The following SENP6 variants were observed in gnomAD, a reference collection of about 807,000 sequenced individuals.
The protein encoded by SENP6 is sentrin-specific protease 6.
SENP6 carries 41 observed loss-of-function variants against 134.5 expected under a neutral mutation model. The observed-to-expected ratio is 0.30, with a 90% CI of 0.24 to 0.40. The LOEUF (loss-of-function observed/expected upper bound fraction) is 0.40, where lower values mean the gene tolerates loss of function less well. SENP6 is among the 10% of genes least tolerant of loss of function. The pLI, the probability that SENP6 is intolerant of heterozygous loss-of-function variation, is 1.00. For missense variants in SENP6, 1,248 were observed against 1,312.5 expected (o/e 0.95, Z 0.76); for synonymous variants, 395 against 429.8 (o/e 0.92, Z 1.00).
chr6:75,636,474 A>G (rs1769522712), intron 5 of SENP6, among the ~76,000 whole-genome samples: 1 of 152,186 alleles, frequency 6.6e-6, no homozygotes, highest in Non-Finnish European at 1.5e-5. Context: ...TTTATGCTAC[A>G]TACCAGGCAT....
At position 75,695,923 on chromosome 6, in the gene SENP6, C is replaced by T. The variant is rs1435647628; in HGVS notation, c.2195C>T (p.Ser732Leu). 2.5e-6 allele frequency: 4 copies of T among 1,582,716 alleles called. No individual in the cohort carries two copies. Among genetic ancestry groups the T allele is most frequent in the East Asian group, 2.3e-5 (1 of 44,074 alleles). The change falls in exon 17 of 24, where the codon TCA (serine) becomes TTA (leucine). Residue 732 changes from serine to leucine, a missense_variant and splice_region_variant. Physicochemically the swap from Ser to Leu is moderately radical, Grantham distance 145 (BLOSUM62 -2). Around this residue, in one of 3 missense-constraint regions of SENP6, gnomAD observed 129 missense variants for 192.0 expected, o/e 0.67. Coordinates refer to ENST00000447266, the MANE Select transcript of SENP6 (RefSeq NM_015571.4). ...ERRNHETTNLSIQQKRHGRVK... is the reference protein window; with the variant it reads ...ERRNHETTNLLIQQKRHGRVK... The stretch of plus-strand genomic sequence containing the variant: ...AGAAATCATGAAACAACTAATCTGT[C>T]GTAAGTCAAACTCTGAAAATATTTA...
intron 20 of SENP6, among the ~76,000 whole-genome samples, chr6:75,710,880 A>T (rs1775708367): frequency 6.6e-6 from 1 of 152,232 alleles, no homozygotes; most frequent in Non-Finnish European, 1.5e-5. Flanking sequence ...CAAGGAAAAC[A>T]GTGTTTCCAA....
At chr6:75,605,785 A>T (rs1396961299) in intron 1 of SENP6, among the ~76,000 whole-genome samples, 2 of 152,170 alleles carry the variant, frequency 1.3e-5, no homozygotes, top group East Asian at 3.9e-4. Flanking sequence ...GATATGGTTT[A>T]TCTTTTTTTA....
intron 10 of SENP6, among the ~76,000 whole-genome samples, chr6:75,667,325 AGGT>A (rs1339299870): frequency 6.6e-6 from 1 of 152,172 alleles, no homozygotes; most frequent in Non-Finnish European, 1.5e-5. Flanking sequence ...ACATGGAAAA[AGGT>A]AATATGAACG....
chr6:75,703,165 C>G, intron 19 of SENP6, 93 bp downstream of exon 19: 3 of 1,110,580 alleles, frequency 2.7e-6, no homozygotes, highest in Non-Finnish European at 1.3e-6. Flanking sequence ...AAAAAAAAAT[C>G]AGGTTAATGA....
At chr6:75,630,654 A>G (rs1769041632) in intron 3 of SENP6, among the ~76,000 whole-genome samples, 1 of 152,216 alleles carries the variant, frequency 6.6e-6, no homozygotes, top group South Asian at 2.1e-4. Context: ...TTTAGTTCAC[A>G]GTGTCTTCAT....
At chr6:75,709,724 A>T in intron 20 of SENP6, 94 bp downstream of exon 20, 1 of 783,828 alleles carries the variant, frequency 1.3e-6, no homozygotes, top group Non-Finnish European at 2.1e-6. Context: ...AGTCCCAGTG[A>T]CTTGGGAGGC....
At chr6:75,683,970 CTA>C (rs1487983852) in intron 16 of SENP6, among the ~76,000 whole-genome samples, 1 of 152,154 alleles carries the variant, frequency 6.6e-6, no homozygotes, top group Non-Finnish European at 1.5e-5. Context: ...GACATTGAAT[CTA>C]TACATTACTT....
intron 8 of SENP6, among the ~76,000 whole-genome samples, chr6:75,660,414 G>T (rs775059): frequency 0.2 from 29,707 of 151,922 alleles, 3,342 homozygotes; most frequent in African/African-American, 0.31. Flanking sequence ...ATTTATATCA[G>T]CATGTACATA....
In SENP6 at chr6:75,688,011, C is replaced by CT. The variant is rs1773966533; in HGVS notation, c.2076-7792dup. On this transcript the variant is annotated intron_variant, in intron 16 of 23. Transcript: ENST00000447266. ...TATGCCCTGCCCACAGTGGTGGAGT[C>CT]TAGAGGCAGTAGGCCTTGTTGAGCT... Among the ~76,000 whole-genome samples the CT allele has an allele frequency of 5.9e-5, 9 of 152,326 alleles. No individual in the cohort carries two copies. In the South Asian group the frequency reaches 1.7e-3, roughly 28 times the overall value.
At chr6:75,659,004 GA>G (rs1771567331) in intron 7 of SENP6, among the ~76,000 whole-genome samples, 1 of 136,224 alleles carries the variant, frequency 7.3e-6, no homozygotes, top group Non-Finnish European at 1.5e-5. Flanking sequence ...AAAAAAAGGG[GA>G]ATTGTGAGTA....
chr6:75,672,377 T>G (rs1261722119), intron 11 of SENP6, among the ~76,000 whole-genome samples: 2 of 152,170 alleles, frequency 1.3e-5, no homozygotes, highest in Non-Finnish European at 2.9e-5. Context: ...TAGGTTATAT[T>G]TGCTACAGTG....
At chr6:75,715,036 G>C (rs1053480009) in intron 23 of SENP6, among the ~76,000 whole-genome samples, 7 of 152,190 alleles carry the variant, frequency 4.6e-5, no homozygotes, top group Non-Finnish European at 4.4e-5. Flanking sequence ...CTTTGCAACT[G>C]TGCAGTCTCT....
intron 16 of SENP6, among the ~76,000 whole-genome samples, chr6:75,691,110 T>C (rs1774215433): frequency 1.3e-5 from 2 of 151,464 alleles, no homozygotes; most frequent in Non-Finnish European, 2.9e-5. Context: ...TCCAAAGTGC[T>C]GGAATTACAG....
chr6:75,636,596 G>T (rs1221331593), intron 5 of SENP6, among the ~76,000 whole-genome samples: 1 of 152,128 alleles, frequency 6.6e-6, no homozygotes, highest in Non-Finnish European at 1.5e-5. Context: ...ATGATTACAT[G>T]CATGGTTAGG....
intron 16 of SENP6, chr6:75,679,142 T>A: frequency 2.3e-6 from 1 of 428,676 alleles, no homozygotes; most frequent in Non-Finnish European, 4.2e-6. Context: ...CAGGGAGATA[T>A]CTGGCTTATG....
chr6:75,613,886 AAG>A (rs1376594806), intron 1 of SENP6, among the ~76,000 whole-genome samples: 1 of 152,184 alleles, frequency 6.6e-6, no homozygotes, highest in African/African-American at 2.4e-5. Context: ...TTAATAGCAA[AAG>A]AGAAAAAATT....
rs779624217 is a variant in SENP6, at chr6:75,634,779, A to C, written c.426A>C (p.Ala142=). The C allele has an allele frequency of 6.2e-7, 1 of 1,603,824 alleles. No individual in the cohort carries two copies. The highest frequency in any genetic ancestry group is 2.2e-5 in the East Asian group (1 of 44,788). The stretch of plus-strand genomic sequence containing the variant: ...GTAGACGTTTTCATCATGCTCATGC[A>C]CAGATACCAGTAGTAAAAACAGCAG... ...VHGRRFHHAH[A]QIPVVKTAAQ... is the part of the protein sequence containing the mutation. Residue 142 remains alanine, a synonymous_variant, in exon 5 of 24, where the codon GCA becomes GCC. Transcript: ENST00000447266.
chr6:75,633,569 CT>C lies in SENP6; in HGVS notation c.208-5del. 3 of 1,578,050 alleles carry C rather than the reference CT, an allele frequency of 1.9e-6. No homozygotes were observed. The highest frequency in any genetic ancestry group is 2.6e-6 in the Non-Finnish European group (3 of 1,166,914). Reference sequence around the variant, plus strand: ...GCATTTTTGACTCATATTTCTGGATCTTTTTTTACAGTTAAATCGTCGATCT... The same window carrying C: ...GCATTTTTGACTCATATTTCTGGATCTTTTTTACAGTTAAATCGTCGATCT... On this transcript the variant is annotated splice_polypyrimidine_tract_variant and intron_variant, in intron 3 of 23. Coordinates refer to ENST00000447266, the MANE Select transcript of SENP6 (RefSeq NM_015571.4).
Sources: gnomAD v4.1 joint callset for allele counts (sites outside exome capture counted in the v4.1 genomes callset) on GRCh38, gnomAD v4.1.1 for gene constraint, gnomAD v4.1.1 regional missense constraint, MANE v1.5 for transcripts, NCBI Gene and HGNC (gene_info 2026-07-23, HGNC 2026-07-21) for gene names.